Variants in PTPRF observed in about 807,000 individuals in gnomAD.
PTPRF encodes the protein receptor-type tyrosine-protein phosphatase F.
PTPRF carries 59 observed loss-of-function variants against 201.8 expected under a neutral mutation model. That is an observed-to-expected ratio of 0.29 (90% CI 0.24 to 0.36). PTPRF has a LOEUF of 0.36. Among genes scored for constraint, PTPRF ranks in the 10% least tolerant of loss-of-function variants. PTPRF has a pLI of 1.00. For missense variants in PTPRF, 2,132 were observed against 2,690.5 expected (o/e 0.79, Z 4.59); for synonymous variants, 1,088 against 1,089.7 (o/e 1.00, Z 0.03).
intron 5 of PTPRF, among the ~76,000 whole-genome samples, chr1:43,557,952 G>A (rs1645508638): frequency 6.6e-6 from 1 of 152,210 alleles, no homozygotes; most frequent in African/African-American, 2.4e-5. Flanking sequence ...CAGCCCAGAG[G>A]GTGAACACCC....
chr1:43,537,967 G>A lies in PTPRF; in HGVS notation c.-125-231G>A, dbSNP rs1205113835. Among the ~76,000 whole-genome samples, 2 of 152,126 alleles carry A rather than the reference G, an allele frequency of 1.3e-5. No individual in the cohort carries two copies. Among genetic ancestry groups the A allele is most frequent in the African/African-American group, 4.8e-5 (2 of 41,424 alleles). Reference sequence around the variant, plus strand: ...GCTCACAGCTATATGGCTGGTGCCTGGAAGGACGCCCAGCACATAGTAGGT... The same window carrying A: ...GCTCACAGCTATATGGCTGGTGCCTAGAAGGACGCCCAGCACATAGTAGGT... On this transcript the variant is annotated intron_variant, in intron 1 of 33. Transcript: ENST00000359947. The surrounding 1 kb of genome is among the most constrained non-coding windows in gnomAD (Gnocchi z 4.8).
intron 23 of PTPRF, 81 bp from the exon 24 acceptor site, chr1:43,617,364 G>T: frequency 1.3e-6 from 2 of 1,576,522 alleles, no homozygotes; most frequent in South Asian, 1.1e-5. Flanking sequence ...GAGCATCACC[G>T]GGAAGGCTGG....
chr1:43,578,612 CA>C (rs1647094369), intron 6 of PTPRF, among the ~76,000 whole-genome samples, 197 bp from the exon 7 acceptor site: 2 of 152,208 alleles, frequency 1.3e-5, no homozygotes, highest in South Asian at 4.1e-4. Flanking sequence ...CTCCAAAGCA[CA>C]ACCGTTGGTT....
intron 11 of PTPRF, 121 bp from the exon 12 acceptor site, chr1:43,597,627 G>A: frequency 1.3e-6 from 1 of 746,740 alleles, no homozygotes; most frequent in Non-Finnish European, 2.2e-6. Context: ...CCCTGGGATG[G>A]CCATTTCAGC....
intron 5 of PTPRF, among the ~76,000 whole-genome samples, chr1:43,563,086 A>G (rs920641411): frequency 7.9e-5 from 12 of 151,670 alleles, no homozygotes; most frequent in Non-Finnish European, 1.6e-4. Context: ...GCTGAGGCAT[A>G]AGAATTGCTT....
upstream of PTPRF, among the ~76,000 whole-genome samples, chr1:43,529,131 G>A (rs1210979727): frequency 6.6e-6 from 1 of 152,160 alleles, no homozygotes; most frequent in African/African-American, 2.4e-5. Flanking sequence ...TGGAAAAAAA[G>A]GCAAAAATGC....
upstream of PTPRF, among the ~76,000 whole-genome samples, chr1:43,522,719 TG>T (rs1381096512): frequency 6.6e-6 from 1 of 151,510 alleles, no homozygotes; most frequent in Admixed American, 6.6e-5. Flanking sequence ...CTAGAAAGAA[TG>T]GGGAGAGGGA....
At chr1:43,590,922 C>T in intron 8 of PTPRF, 50 bp from the exon 9 acceptor site, 1 of 1,509,924 alleles carries the variant, frequency 6.6e-7, no homozygotes, top group Non-Finnish European at 9.0e-7. Flanking sequence ...AGGGTTGGTT[C>T]CTAAGGATCT....
intron 21 of PTPRF, among the ~76,000 whole-genome samples, chr1:43,608,966 C>T (rs183954826): frequency 4.2e-4 from 64 of 152,206 alleles, no homozygotes; most frequent in Non-Finnish European, 8.8e-5. Flanking sequence ...CTCTGAGGGC[C>T]AAAAAGCTGG....
intron 5 of PTPRF, among the ~76,000 whole-genome samples, chr1:43,564,688 A>AGCTT (rs1286132142): frequency 6.6e-6 from 1 of 152,004 alleles, no homozygotes; most frequent in Non-Finnish European, 1.5e-5. Flanking sequence ...AGCTTAGGGG[A>AGCTT]GGCGGTCAGG....
chr1:43,577,389 G>A (rs530654957), intron 6 of PTPRF, among the ~76,000 whole-genome samples: 1 of 152,262 alleles, frequency 6.6e-6, no homozygotes, highest in East Asian at 1.9e-4. Flanking sequence ...CCTGGCATCT[G>A]GTGGGGAGGG....
chr1:43,585,373 A>G (rs1648870118), intron 7 of PTPRF, among the ~76,000 whole-genome samples: 1 of 152,110 alleles, frequency 6.6e-6, no homozygotes, highest in Non-Finnish European at 1.5e-5. Context: ...CTTCCTCTGT[A>G]GACATACCCT....
intron 7 of PTPRF, among the ~76,000 whole-genome samples, chr1:43,580,616 T>C (rs1195238680): frequency 1.3e-5 from 2 of 152,208 alleles, no homozygotes; most frequent in African/African-American, 4.8e-5. Context: ...GGCACAGCCT[T>C]GGCCCCACCC....
rs751610334 is a variant in PTPRF at position 43,546,027 on chromosome 1, C to G, written c.91+861C>G. Among the ~76,000 whole-genome samples, 23 of 152,108 alleles carry G rather than the reference C, an allele frequency of 1.5e-4. No homozygotes were observed. Among genetic ancestry groups the G allele is most frequent in the Non-Finnish European group, 3.1e-4 (21 of 68,012 alleles). ...AGGGGCGAGGTCGGAGCCAAGGTCC[C>G]TGGGGGAAGGGGCCGTTCCCAGCCT... On this transcript the variant is annotated intron_variant, in intron 3 of 33. Coordinates refer to ENST00000359947, the MANE Select transcript of PTPRF (RefSeq NM_002840.5). This position sits in a 1 kb window ranked among gnomAD's most constrained non-coding sequence, Gnocchi z 4.2.
chr1:43,608,625 A>G (rs1655717633), intron 21 of PTPRF, among the ~76,000 whole-genome samples: 1 of 152,272 alleles, frequency 6.6e-6, no homozygotes, highest in South Asian at 2.1e-4. Context: ...GCTCACCAGA[A>G]CCATCACCCG....
intron 2 of PTPRF, among the ~76,000 whole-genome samples, chr1:43,541,872 A>G (rs562131095): frequency 6.6e-6 from 1 of 152,310 alleles, no homozygotes; most frequent in South Asian, 2.1e-4. Context: ...CGGATGGTCC[A>G]CAGTGCAATT....
intron 5 of PTPRF, among the ~76,000 whole-genome samples, chr1:43,559,583 A>G (rs1645643727): frequency 1.5e-5 from 1 of 68,192 alleles, no homozygotes. Context: ...GACTGTGTGC[A>G]GCAGGCGTGT....
chr1:43,569,686 G>A lies in PTPRF; in HGVS notation c.476G>A (p.Gly159Asp). The change falls in exon 6 of 34, where the codon GGC becomes GAC. Residue 159 changes from glycine (G) to aspartate (D), a missense_variant. By Grantham distance (94) the Gly-to-Asp change is moderately conservative. This residue lies in a region of PTPRF where 297 missense variants were observed against 454.0 expected (regional missense o/e 0.65). Coordinates refer to ENST00000359947, the MANE Select transcript of PTPRF (RefSeq NM_002840.5). ...ARTATMLCAA[G>D]GNPDPEISWF... ...ACAGCCACCATGCTATGTGCCGCAG[G>A]CGGAAATCCAGACCCTGAGATTTCT... is the stretch of plus-strand genomic sequence containing the variant. 6.2e-7 allele frequency: 1 copy of A among 1,614,122 alleles called. No homozygotes were observed. Among genetic ancestry groups the A allele is most frequent in the Non-Finnish European group, 8.5e-7 (1 of 1,179,974 alleles).
At chr1:43,557,854 A>G (rs540078995) in intron 5 of PTPRF, among the ~76,000 whole-genome samples, 1 of 152,292 alleles carries the variant, frequency 6.6e-6, no homozygotes, top group African/African-American at 2.4e-5. Flanking sequence ...CCAGGAAGAC[A>G]AAATGCTGAC....
Sources: gnomAD v4.1 joint callset for allele counts (sites outside exome capture counted in the v4.1 genomes callset) on GRCh38, gnomAD v4.1.1 for gene constraint, gnomAD v4.1.1 regional missense constraint, Gnocchi (gnomAD v3.1) non-coding constraint, MANE v1.5 for transcripts, NCBI Gene and HGNC (gene_info 2026-07-23, HGNC 2026-07-21) for gene names.